Variants in ZNF507 observed in about 807,000 individuals in gnomAD.
ZNF507 encodes zinc finger protein 507.
In ZNF507, 29 loss-of-function variants were observed where a neutral mutation model predicts 80.0. The ratio of observed to expected loss-of-function variants is 0.36; its 90% confidence interval spans 0.27 to 0.49. The LOEUF (loss-of-function observed/expected upper bound fraction) is 0.49, where lower values mean the gene tolerates loss of function less well. ZNF507 is among the 20% of genes least tolerant of loss of function. ZNF507 has a pLI of 0.98. For missense variants in ZNF507, 1,081 were observed against 1,152.2 expected (o/e 0.94, Z 0.90); for synonymous variants, 462 against 422.5 (o/e 1.09, Z -1.15).
At chr19:32,378,431 C>T (rs751722573) in intron 5 of ZNF507, among the ~76,000 whole-genome samples, 1 of 152,044 alleles carries the variant, frequency 6.6e-6, no homozygotes, top group Admixed American at 6.6e-5. Flanking sequence ...GCCATGTTGT[C>T]CTGGATGGGG....
At chr19:32,376,236 G>A (rs1473580964) in intron 5 of ZNF507, among the ~76,000 whole-genome samples, 1 of 152,012 alleles carries the variant, frequency 6.6e-6, no homozygotes, top group Non-Finnish European at 1.5e-5. Context: ...GTTATATCTA[G>A]TGATAACGCT....
chr19:32,376,785 A>G (rs1967552897), intron 5 of ZNF507, among the ~76,000 whole-genome samples: 1 of 152,180 alleles, frequency 6.6e-6, no homozygotes, highest in Non-Finnish European at 1.5e-5. Flanking sequence ...GCTGATATTT[A>G]TTGGATACAA....
At chr19:32,358,669 T>C (rs1967282684) in intron 4 of ZNF507, 1 of 152,214 alleles carries the variant, frequency 6.6e-6, no homozygotes, top group Non-Finnish European at 1.5e-5. Context: ...TGGAAACCTA[T>C]AATTTGCCAA....
intron 5 of ZNF507, among the ~76,000 whole-genome samples, chr19:32,375,548 A>G (rs762248505): frequency 6.6e-5 from 10 of 152,248 alleles, no homozygotes; most frequent in Non-Finnish European, 1.0e-4. Flanking sequence ...TATAGATTAA[A>G]AGAGACTTAA....
intron 1 of ZNF507, 105 bp downstream of exon 1, chr19:32,345,888 C>G (rs1371564985): frequency 6.6e-6 from 1 of 152,562 alleles, no homozygotes; most frequent in African/African-American, 2.4e-5. Context: ...CCTCAGCCGG[C>G]CGACCCCCGC....
chr19:32,372,600 G>T (rs1967488786), intron 5 of ZNF507, among the ~76,000 whole-genome samples: 2 of 151,886 alleles, frequency 1.3e-5, no homozygotes, highest in East Asian at 3.9e-4. Flanking sequence ...AAAAAAGGGG[G>T]GACACATGCG....
At chr19:32,369,811 G>C (rs1967445821) in intron 5 of ZNF507, among the ~76,000 whole-genome samples, 1 of 152,004 alleles carries the variant, frequency 6.6e-6, no homozygotes, top group Non-Finnish European at 1.5e-5. Flanking sequence ...TCCTAATACA[G>C]CACATTTTGA....
chr19:32,358,190 G>A (rs983233379), intron 4 of ZNF507: 3 of 152,062 alleles, frequency 2.0e-5, no homozygotes, highest in Admixed American at 6.6e-5. Flanking sequence ...AGTTCAAATG[G>A]CTGCATACTT....
At chr19:32,366,102 C>T (rs2145330287) in intron 5 of ZNF507, among the ~76,000 whole-genome samples, 1 of 152,194 alleles carries the variant, frequency 6.6e-6, no homozygotes, top group South Asian at 2.1e-4. Flanking sequence ...CTAATTGTTT[C>T]AAAACATACT....
intron 2 of ZNF507, among the ~76,000 whole-genome samples, chr19:32,347,871 G>A (rs1201466093): frequency 6.6e-6 from 1 of 152,060 alleles, no homozygotes. Context: ...CAGGCTATGT[G>A]CCAACTAAGA....
At chr19:32,366,042 A>G (rs930096175) in intron 5 of ZNF507, among the ~76,000 whole-genome samples, 2 of 152,170 alleles carry the variant, frequency 1.3e-5, no homozygotes, top group African/African-American at 4.8e-5. Flanking sequence ...TGCCCAAATA[A>G]TATAAGATGA....
chr19:32,353,517 A>G lies in ZNF507; in HGVS notation c.687A>G (p.Ala229=). ...TACAGACTCATACTGTCCAAACTGC[A>G]TCTGTGGCAGAAATGGGTAGGAGGA... is the stretch of plus-strand genomic sequence containing the variant. The part of the protein sequence containing the change: ...DNLQTHTVQT[A]SVAEMGRRKW... The change falls in exon 3 of 7, where the codon GCA becomes GCG. Residue 229 remains alanine, a synonymous_variant. Coordinates refer to ENST00000355898, the MANE Select transcript of ZNF507 (RefSeq NM_001136156.2). 2 of 1,614,230 alleles carry G rather than the reference A, an allele frequency of 1.2e-6. No homozygotes were observed. Among genetic ancestry groups the G allele is most frequent in the East Asian group, 2.2e-5 (1 of 44,892 alleles).
intron 5 of ZNF507, among the ~76,000 whole-genome samples, chr19:32,361,819 T>C (rs1967331596): frequency 6.8e-6 from 1 of 146,518 alleles, no homozygotes; most frequent in African/African-American, 2.5e-5. Flanking sequence ...TTTCCTTCCT[T>C]CCTTTCCTTT....
At position 32,382,979 on chromosome 19, in the gene ZNF507, T is replaced by G. The variant is rs1484608506; in HGVS notation, c.2758T>G (p.Ser920Ala). The change falls in exon 7 of 7, where the codon TCA (serine) becomes GCA (alanine). Residue 920 changes from serine (S) to alanine (A), a missense_variant. By Grantham distance (99) the Ser-to-Ala change is moderately conservative. This residue lies in a region of ZNF507 where 138 missense variants were observed against 158.4 expected (regional missense o/e 0.87). Transcript: ENST00000355898. ...CTGCTGTTGTATTTGTGGTTTTGAA[T>G]CAACCAGCAAAGAAAACCTCTTGGA... Reference protein sequence around the residue: ...LFCCCICGFESTSKENLLDHM... With the variant: ...LFCCCICGFEATSKENLLDHM... The G allele has an allele frequency of 6.2e-7, 1 of 1,614,142 alleles. No individual in the cohort carries two copies. Among genetic ancestry groups the G allele is most frequent in the Non-Finnish European group, 8.5e-7 (1 of 1,180,020 alleles).
At chr19:32,381,671 C>T (rs190226727) in intron 5 of ZNF507, among the ~76,000 whole-genome samples, 8 of 152,064 alleles carry the variant, frequency 5.3e-5, no homozygotes, top group African/African-American at 1.4e-4. Flanking sequence ...AATAGTGGAC[C>T]CTAATGTAAA....
In ZNF507 at chr19:32,352,977, G is replaced by A. The variant is rs1210781187; in HGVS notation, c.147G>A (p.Gln49=). 6.2e-7 allele frequency: 1 copy of A among 1,614,056 alleles called. No homozygotes were observed. Among genetic ancestry groups the A allele is most frequent in the Admixed American group, 1.7e-5 (1 of 60,004 alleles). Residue 49 remains glutamine (Q), a synonymous_variant, in exon 3 of 7, where the codon CAG becomes CAA. Coordinates refer to ENST00000355898, the MANE Select transcript of ZNF507 (RefSeq NM_001136156.2). ...TKPDPLIHVI[Q]KLSKIVENEK... ...CAGATCCATTAATCCATGTTATCCA[G>A]AAGTTAAGCAAGATAGTGGAAAATG...
rs773903115 is a variant in ZNF507 at position 32,353,513 on chromosome 19, C to T, written c.683C>T (p.Thr228Ile). The change falls in exon 3 of 7, where the codon ACT becomes ATT. Residue 228 changes from threonine (T) to isoleucine (I), a missense_variant. Thr to Ile is a moderately conservative substitution (Grantham distance 89). This residue lies in a region of ZNF507 where 275 missense variants were observed against 303.9 expected (regional missense o/e 0.90). Coordinates refer to ENST00000355898, the MANE Select transcript of ZNF507 (RefSeq NM_001136156.2). ...AATCTACAGACTCATACTGTCCAAACTGCATCTGTGGCAGAAATGGGTAGG... is the reference window on the plus strand; with the variant it reads ...AATCTACAGACTCATACTGTCCAAATTGCATCTGTGGCAGAAATGGGTAGG... ...VDNLQTHTVQ[T>I]ASVAEMGRRK... 5.6e-6 allele frequency: 9 copies of T among 1,614,098 alleles called. No homozygotes were observed. The highest frequency in any genetic ancestry group is 1.6e-4 in the Middle Eastern group (1 of 6,084).
chr19:32,352,775 G>A, intron 2 of ZNF507, 54 bp from the exon 3 acceptor site: 1 of 1,461,460 alleles, frequency 6.8e-7, no homozygotes, highest in Non-Finnish European at 9.2e-7. Context: ...CAAATTACAT[G>A]CCTGTAATTA....
rs1967670075 is a variant in ZNF507 at position 32,384,981 on chromosome 19, T to C, written c.*1898T>C. ...AACATTTAAAATGATTTCATTATTA[T>C]TACCCATACTGTTGCCACTCATATT... is the stretch of plus-strand genomic sequence containing the variant. On this transcript the variant is annotated 3_prime_UTR_variant, in exon 7 of 7. Transcript: ENST00000355898. 1.3e-5 allele frequency: 2 copies of C among 152,174 alleles called. No homozygotes were observed. The highest frequency in any genetic ancestry group is 4.8e-5 in the African/African-American group (2 of 41,452). 9.4% of individuals were successfully genotyped at this position (152,174 alleles called of 1,614,324 possible). A position where few individuals can be genotyped will look rare whatever the true frequency, so the allele number is the denominator to read the frequency against.
Sources: allele counts gnomAD v4.1 joint callset (sites outside exome capture counted in the v4.1 genomes callset), GRCh38; gene constraint gnomAD v4.1.1; regional missense constraint gnomAD v4.1.1; transcripts MANE v1.5; gene names NCBI Gene and HGNC (gene_info 2026-07-23, HGNC 2026-07-21).